PLCE1: variants seen among roughly 807,000 people sequenced by gnomAD.
PLCE1 encodes phospholipase C epsilon 1.
PLCE1 carries 119 observed loss-of-function variants against 242.8 expected under a neutral mutation model. That is an observed-to-expected ratio of 0.49 (90% confidence interval 0.42 to 0.57). PLCE1 has a LOEUF of 0.57. Among genes scored for constraint, PLCE1 ranks in the 20% least tolerant of loss-of-function variants. The pLI, the probability that PLCE1 is intolerant of heterozygous loss-of-function variation, is 0.00. For missense variants in PLCE1, 2,441 were observed against 2,788.8 expected, an observed-to-expected ratio of 0.88 and a Z score of 2.81; for synonymous variants, 945 against 1,017.4, an observed-to-expected ratio of 0.93 and a Z score of 1.35.
intron 1 of PLCE1, among the ~76,000 whole-genome samples, chr10:93,999,756 C>T (rs1482211910): frequency 1.3e-5 from 2 of 152,090 alleles, no homozygotes; most frequent in East Asian, 3.9e-4. Flanking sequence ...TCTGCTCCCG[C>T]CTCTGCCTGT....
chr10:94,227,308 G>A lies in PLCE1; in HGVS notation c.1812G>A (p.Val604=), dbSNP rs1487763804. The change falls in exon 5 of 33, where the codon GTG becomes GTA. Residue 604 remains valine, a splice_region_variant and synonymous_variant. Coordinates refer to ENST00000371380, the MANE Select transcript of PLCE1 (RefSeq NM_016341.4). ...GAATGTCTCTGTGTGTTTTCCAGGT[G>A]AGCTCCTGGGTGACATGGCTGATCC... ...LEDLVMRFNE[V]SSWVTWLILT... 7 of 1,613,966 alleles carry A rather than the reference G, an allele frequency of 4.3e-6. No homozygotes were observed. The highest frequency in any genetic ancestry group is 5.9e-6 in the Non-Finnish European group (7 of 1,179,952).
At chr10:94,317,726 T>G (rs2053625375) in intron 29 of PLCE1, among the ~76,000 whole-genome samples, 1 of 152,156 alleles carries the variant, frequency 6.6e-6, no homozygotes, top group Non-Finnish European at 1.5e-5. Flanking sequence ...ACTTAATTGA[T>G]GAAGCACTTT....
At chr10:94,174,043 A>G (rs2048057864) in intron 4 of PLCE1, among the ~76,000 whole-genome samples, 2 of 152,190 alleles carry the variant, frequency 1.3e-5, no homozygotes, top group Admixed American at 6.5e-5. Flanking sequence ...GCATGGCTTT[A>G]CATACTGTAA....
intron 4 of PLCE1, among the ~76,000 whole-genome samples, chr10:94,210,900 CA>C (rs2049310290): frequency 1.3e-5 from 2 of 152,214 alleles, no homozygotes; most frequent in African/African-American, 4.8e-5. Flanking sequence ...AATTCTTCCC[CA>C]AATCTCTATT....
At chr10:94,158,039 T>C (rs2047488086) in intron 3 of PLCE1, among the ~76,000 whole-genome samples, 1 of 152,190 alleles carries the variant, frequency 6.6e-6, no homozygotes, top group Admixed American at 6.5e-5. Flanking sequence ...TCCTGGCACA[T>C]TGTAAGTACT....
chr10:94,157,591 A>T (rs1274148212), intron 3 of PLCE1, among the ~76,000 whole-genome samples: 1 of 152,156 alleles, frequency 6.6e-6, no homozygotes, highest in Non-Finnish European at 1.5e-5. Flanking sequence ...CTGGACTGGG[A>T]GTCAAGGTCC....
chr10:94,153,314 A>C (rs775438953), intron 3 of PLCE1, among the ~76,000 whole-genome samples: 26 of 152,212 alleles, frequency 1.7e-4, no homozygotes, highest in Non-Finnish European at 4.4e-5. Context: ...ACAATAGACG[A>C]AAACCACATG....
intron 2 of PLCE1, among the ~76,000 whole-genome samples, chr10:94,098,861 C>T (rs2045412310): frequency 6.6e-6 from 1 of 152,282 alleles, no homozygotes; most frequent in South Asian, 2.1e-4. Context: ...CTCAGTCCTC[C>T]ATAGCTGATA....
intron 4 of PLCE1, among the ~76,000 whole-genome samples, chr10:94,197,684 G>A (rs1214661799): frequency 2.0e-5 from 3 of 152,136 alleles, no homozygotes; most frequent in Non-Finnish European, 4.4e-5. Flanking sequence ...GTGACATTAA[G>A]ATATAATCTC....
chr10:94,056,975 T>C, intron 2 of PLCE1, among the ~76,000 whole-genome samples: 1 of 152,214 alleles, frequency 6.6e-6, no homozygotes, highest in East Asian at 1.9e-4. Context: ...ACAGCATATG[T>C]TAGTACTTCA....
At chr10:94,214,045 G>C (rs1205109640) in intron 4 of PLCE1, among the ~76,000 whole-genome samples, 1 of 152,206 alleles carries the variant, frequency 6.6e-6, no homozygotes, top group African/African-American at 2.4e-5. Context: ...CACAGAAATA[G>C]TGAAAGGCAG....
intron 2 of PLCE1, among the ~76,000 whole-genome samples, chr10:94,070,403 A>G (rs886673764): frequency 7.9e-5 from 12 of 152,160 alleles, no homozygotes; most frequent in African/African-American, 2.2e-4. Context: ...AATATCTGCT[A>G]TTCCACTCAC....
chr10:94,118,675 C>T (rs1428746687), intron 2 of PLCE1, among the ~76,000 whole-genome samples: 1 of 152,172 alleles, frequency 6.6e-6, no homozygotes. Flanking sequence ...TGTGAGGCCT[C>T]CCCAGTCATG....
intron 3 of PLCE1, among the ~76,000 whole-genome samples, chr10:94,160,779 T>C (rs567006860): frequency 1.3e-5 from 2 of 152,358 alleles, no homozygotes; most frequent in South Asian, 2.1e-4. Flanking sequence ...GAATTAATTT[T>C]CGTATAAGGT....
intron 1 of PLCE1, among the ~76,000 whole-genome samples, chr10:94,025,783 A>G (rs2061444423): frequency 6.6e-6 from 1 of 152,172 alleles, no homozygotes; most frequent in South Asian, 2.1e-4. Flanking sequence ...CCTCATCTCA[A>G]TTCTTCAAAT....
chr10:94,227,536 C>A, intron 5 of PLCE1, 85 bp downstream of exon 5: 1 of 1,260,158 alleles, frequency 7.9e-7, no homozygotes, highest in Non-Finnish European at 1.2e-6. Context: ...CAGGGACTCA[C>A]CTTTACCCAA....
intron 3 of PLCE1, among the ~76,000 whole-genome samples, chr10:94,166,857 G>T (rs1273505292): frequency 6.6e-6 from 1 of 152,176 alleles, no homozygotes; most frequent in Non-Finnish European, 1.5e-5. Context: ...AATAAATGGT[G>T]AGGACTAAGA....
At chr10:94,005,041 GAA>G (rs1388503855) in intron 1 of PLCE1, among the ~76,000 whole-genome samples, 2 of 152,224 alleles carry the variant, frequency 1.3e-5, no homozygotes, top group Non-Finnish European at 2.9e-5. Context: ...TCACTCATGG[GAA>G]AGAGACTTCT....
At chr10:94,004,289 T>C (rs1191387359) in intron 1 of PLCE1, among the ~76,000 whole-genome samples, 1 of 152,000 alleles carries the variant, frequency 6.6e-6, no homozygotes, top group Non-Finnish European at 1.5e-5. Flanking sequence ...TTTTCTGGAG[T>C]AAAACATTAA....
Sources: gnomAD v4.1 joint callset for allele counts (sites outside exome capture counted in the v4.1 genomes callset) on GRCh38, gnomAD v4.1.1 for gene constraint, MANE v1.5 for transcripts, NCBI Gene and HGNC (gene_info 2026-07-23, HGNC 2026-07-21) for gene names.